LIMCH1: variants seen among roughly 807,000 people sequenced by gnomAD.
The protein encoded by LIMCH1 is LIM and calponin homology domains 1, also known as LIM and calponin homology domains-containing protein 1.
LIMCH1 carries 113 observed loss-of-function variants against 176.5 expected under a neutral mutation model. The observed-to-expected ratio is 0.64, with a 90% CI of 0.55 to 0.75. LIMCH1 has a LOEUF of 0.75. Among genes scored for constraint, LIMCH1 ranks in the 30% least tolerant of loss-of-function variants. LIMCH1 has a pLI of 0.00. For missense variants in LIMCH1, 1,674 were observed against 1,814.9 expected (o/e 0.92, Z 1.41); for synonymous variants, 619 against 645.9 (o/e 0.96, Z 0.63).
chr4:41,387,290 C>A (rs2056623745), intron 1 of LIMCH1, among the ~76,000 whole-genome samples: 1 of 152,198 alleles, frequency 6.6e-6, no homozygotes, highest in Non-Finnish European at 1.5e-5. Context: ...CAGAAATCTA[C>A]TTACATGAAC....
chr4:41,457,499 G>T (rs28546822), intron 1 of LIMCH1, among the ~76,000 whole-genome samples: 2,117 of 152,154 alleles, frequency 0.014, 51 homozygotes, highest in African/African-American at 0.046. Flanking sequence ...TACATAAATT[G>T]CTCATTTAAT....
intron 1 of LIMCH1, among the ~76,000 whole-genome samples, chr4:41,574,577 C>G (rs1218455173): frequency 6.6e-6 from 1 of 152,062 alleles, no homozygotes; most frequent in South Asian, 2.1e-4. Flanking sequence ...GCATGAGCCA[C>G]TGTGCCCATC....
At chr4:41,420,593 T>C (rs935093912) in intron 1 of LIMCH1, among the ~76,000 whole-genome samples, 1 of 152,230 alleles carries the variant, frequency 6.6e-6, no homozygotes, top group Non-Finnish European at 1.5e-5. Context: ...CTTCCCAATA[T>C]GAACCACGCC....
intron 2 of LIMCH1, among the ~76,000 whole-genome samples, chr4:41,513,683 T>C (rs2075211814): frequency 1.3e-5 from 2 of 152,108 alleles, no homozygotes; most frequent in South Asian, 2.1e-4. Flanking sequence ...AATCCAACTT[T>C]AGTCTTGGTC....
At chr4:41,508,110 G>T in intron 2 of LIMCH1, among the ~76,000 whole-genome samples, 1 of 152,178 alleles carries the variant, frequency 6.6e-6, no homozygotes, top group East Asian at 1.9e-4. Context: ...AGGTAGACTT[G>T]TTTGGCCAAA....
chr4:41,380,230 C>T (rs570401384), intron 1 of LIMCH1, among the ~76,000 whole-genome samples: 1 of 152,266 alleles, frequency 6.6e-6, no homozygotes, highest in African/African-American at 2.4e-5. Context: ...TATATTGAAA[C>T]TCATGTTACT....
intron 29 of LIMCH1, among the ~76,000 whole-genome samples, chr4:41,688,666 T>C (rs1402692571): frequency 6.6e-6 from 1 of 152,186 alleles, no homozygotes; most frequent in Non-Finnish European, 1.5e-5. Context: ...ATCTTAGTTA[T>C]ATAAAAGCTG....
In LIMCH1 at chr4:41,675,388, G is replaced by C. The variant is rs539092308; in HGVS notation, c.3439-994G>C. On this transcript the variant is annotated intron_variant, in intron 22 of 31. Coordinates refer to ENST00000503057, the MANE Select transcript of LIMCH1 (RefSeq NM_001330672.2). ...CCTGTTCATCTTCCCAGGCTACCAG[G>C]GTACATAGATTTTGCCTGCACCCCT... Among the ~76,000 whole-genome samples, 477 of 152,122 alleles carry C rather than the reference G, an allele frequency of 3.1e-3. 2 individuals carry two copies. The highest frequency in any genetic ancestry group is 0.01 in the African/African-American group (432 of 41,500).
intron 1 of LIMCH1, among the ~76,000 whole-genome samples, chr4:41,408,544 C>T (rs190862982): frequency 4.3e-4 from 65 of 152,278 alleles, no homozygotes; most frequent in Admixed American, 1.7e-3. Context: ...TCAAAATATG[C>T]ATATGTATTC....
intron 1 of LIMCH1, among the ~76,000 whole-genome samples, chr4:41,475,108 G>C (rs755394498): frequency 6.6e-6 from 1 of 152,124 alleles, no homozygotes; most frequent in Non-Finnish European, 1.5e-5. Context: ...CTTTGCTTTT[G>C]TTTTCTATTG....
intron 3 of LIMCH1, among the ~76,000 whole-genome samples, chr4:41,527,458 A>T (rs1452183386): frequency 6.6e-6 from 1 of 152,220 alleles, no homozygotes; most frequent in East Asian, 1.9e-4. Context: ...TCAGGAAACA[A>T]TACGACAAAT....
At chr4:41,615,982 C>G (rs561475577) in intron 5 of LIMCH1, among the ~76,000 whole-genome samples, 7 of 152,306 alleles carry the variant, frequency 4.6e-5, no homozygotes, top group Non-Finnish European at 8.8e-5. Context: ...TTCAACCAAT[C>G]TGTCTTGCTA....
At chr4:41,655,615 C>A (rs2094440485) in intron 18 of LIMCH1, among the ~76,000 whole-genome samples, 1 of 152,142 alleles carries the variant, frequency 6.6e-6, no homozygotes, top group Non-Finnish European at 1.5e-5. Flanking sequence ...CAGATGTGGA[C>A]AGCTTTTTCT....
At chr4:41,617,010 T>A (rs1236266091) in intron 5 of LIMCH1, among the ~76,000 whole-genome samples, 1 of 152,008 alleles carries the variant, frequency 6.6e-6, no homozygotes, top group African/African-American at 2.4e-5. Context: ...GAAAAAGTGA[T>A]TTGCTTATGT....
chr4:41,402,913 A>G (rs1464405685), intron 1 of LIMCH1, among the ~76,000 whole-genome samples: 3 of 151,872 alleles, frequency 2.0e-5, no homozygotes, highest in African/African-American at 7.3e-5. Flanking sequence ...CCAGCATGGC[A>G]CATGTATACA....
At chr4:41,604,287 A>C (rs1252063743) in intron 3 of LIMCH1, 3 of 842,750 alleles carry the variant, frequency 3.6e-6, no homozygotes, top group East Asian at 2.5e-4. Context: ...AGATCTGCAC[A>C]ATATGAATAG....
At chr4:41,515,178 A>C (rs2075420331) in intron 2 of LIMCH1, among the ~76,000 whole-genome samples, 1 of 152,212 alleles carries the variant, frequency 6.6e-6, no homozygotes, top group Non-Finnish European at 1.5e-5. Context: ...GTTAAAGCCC[A>C]ATTTTGGCAG....
chr4:41,602,523 T>G (rs941112304), intron 2 of LIMCH1, among the ~76,000 whole-genome samples: 1 of 152,202 alleles, frequency 6.6e-6, no homozygotes, highest in African/African-American at 2.4e-5. Flanking sequence ...TTCAAATCTT[T>G]TATAGATTTT....
chr4:41,671,397 AACACACACACAC>A lies in LIMCH1; in HGVS notation c.3398-125_3398-114del, dbSNP rs141018823. ...ATTTTCTAATGTTCTTGACTTACCA[AACACACACACAC>A]ACACACACACACACACACACACACA... is the stretch of plus-strand genomic sequence containing the variant. On this transcript the variant is annotated intron_variant, in intron 21 of 31. Transcript: ENST00000503057. 5.4e-3 allele frequency among the ~76,000 whole-genome samples: 749 copies of A among 137,580 alleles called. 14 individuals are homozygous for A. In the East Asian group the frequency reaches 0.083, roughly 15 times the overall value. 90.3% of individuals were successfully genotyped at this position (137,580 alleles called of 152,430 possible).
Sources: allele counts gnomAD v4.1 joint callset (sites outside exome capture counted in the v4.1 genomes callset), GRCh38; gene constraint gnomAD v4.1.1; transcripts MANE v1.5; gene names NCBI Gene and HGNC (gene_info 2026-07-23, HGNC 2026-07-21).